The following KLHL15 variants were observed in gnomAD, a reference collection of about 807,000 sequenced individuals.
KLHL15 encodes kelch like family member 15, also known as kelch-like protein 15.
A neutral mutation model predicts 29.3 loss-of-function variants in KLHL15; 1 was observed. The ratio of observed to expected loss-of-function variants is 0.03; its 90% CI spans 0.01 to 0.16. The LOEUF (loss-of-function observed/expected upper bound fraction) is 0.16, where lower values mean the gene tolerates loss of function less well. KLHL15 is among the 10% of genes least tolerant of loss of function. KLHL15 has a pLI of 1.00. For synonymous variants in KLHL15, 212 were observed against 184.5 expected (o/e 1.15, Z -1.21); for missense variants, 215 against 478.5 (o/e 0.45, Z 5.14).
chrX:24,016,560 G>C (rs1278399378), intron 2 of KLHL15, among the ~76,000 whole-genome samples: 1 of 108,467 alleles, frequency 9.2e-6, no homozygotes, highest in Admixed American at 1.0e-4. Context: ...CCAGCTAGTC[G>C]GGAGGTTGAG....
intron 3 of KLHL15, among the ~76,000 whole-genome samples, chrX:23,991,740 G>A (rs773521490): frequency 9.0e-6 from 1 of 111,542 alleles, no homozygotes; most frequent in Non-Finnish European, 1.9e-5. Context: ...CTGGGAGGCT[G>A]AGGTAGTAGA....
intron 2 of KLHL15, among the ~76,000 whole-genome samples, chrX:24,007,247 CT>C (rs1226952621): frequency 9.2e-6 from 1 of 108,752 alleles, no homozygotes; most frequent in Admixed American, 1.0e-4. Context: ...AATCCCAGCA[CT>C]TTGGGAGGCC....
intron 2 of KLHL15, 69 bp from the exon 3 acceptor site, chrX:24,006,769 T>C: frequency 1.2e-6 from 1 of 843,067 alleles, no homozygotes; most frequent in Non-Finnish European, 1.6e-6. Context: ...TAACTTAGAG[T>C]TTTAACAATT....
At chrX:23,997,495 A>AG (rs1929213425) in intron 3 of KLHL15, among the ~76,000 whole-genome samples, 1 of 109,487 alleles carries the variant, frequency 9.1e-6, no homozygotes, top group Non-Finnish European at 1.9e-5. Context: ...CTTAGCACTT[A>AG]GGGAGGCAGG....
chrX:23,989,159 C>T (rs1392871235), intron 3 of KLHL15, 129 bp from the exon 4 acceptor site: 11 of 512,404 alleles, frequency 2.1e-5, no homozygotes, highest in Non-Finnish European at 3.0e-5. Flanking sequence ...AGATCACCTA[C>T]TTTCTTTTGT....
At chrX:23,989,071 A>G in intron 3 of KLHL15, 41 bp from the exon 4 acceptor site, 1 of 1,084,814 alleles carries the variant, frequency 9.2e-7, no homozygotes, top group African/African-American at 1.8e-5. Context: ...AGGAAAAAGC[A>G]TCAGCTGCAA....
chrX:24,024,942 C>T lies in KLHL15; in HGVS notation c.-93G>A. 1 of 297,980 alleles carries T rather than the reference C, an allele frequency of 3.4e-6. No homozygotes were observed. The highest frequency in any genetic ancestry group is 5.9e-6 in the Non-Finnish European group (1 of 170,227). 24.6% of individuals were successfully genotyped at this position (297,980 alleles called of 1,213,427 possible). A position where few individuals can be genotyped will look rare whatever the true frequency, so the allele number is the denominator to read the frequency against. On this transcript the variant is annotated 5_prime_UTR_variant, in exon 2 of 4. Transcript: ENST00000328046. ...GCGGGCCGATGGGTGGGCGGTCGGG[C>T]GCCGGGACGGCACTCGGCAGGCTCC...
At chrX:24,021,860 T>TC (rs755164045) in intron 2 of KLHL15, among the ~76,000 whole-genome samples, 1 of 110,074 alleles carries the variant, frequency 9.1e-6, no homozygotes, top group African/African-American at 3.3e-5. Context: ...GCTATAGCAC[T>TC]CCAATTCAGA....
intron 2 of KLHL15, among the ~76,000 whole-genome samples, chrX:24,008,780 C>T (rs181864221): frequency 1.0e-4 from 11 of 107,708 alleles, no homozygotes; most frequent in Admixed American, 4.1e-4. Context: ...GTTCCCTCCT[C>T]GACCTGATTT....
chrX:23,987,963 A>G lies in KLHL15; in HGVS notation c.1773T>C (p.His591=). 5 of 1,210,480 alleles carry G rather than the reference A, an allele frequency of 4.1e-6. No homozygotes were observed. The East Asian group carries it at 1.2e-4, about 29-fold the overall frequency. ...KLDGLQVCNL[H]FPDYVLDEVR... Reference sequence around the variant, plus strand: ...CCTCATCCAGTACATAGTCCGGAAAATGCAGGTTGCATACTTGTAAACCAT... The same window carrying G: ...CCTCATCCAGTACATAGTCCGGAAAGTGCAGGTTGCATACTTGTAAACCAT... Residue 591 remains histidine, a synonymous_variant, in exon 4 of 4, where the codon CAT becomes CAC. Transcript: ENST00000328046.
At chrX:24,017,653 T>C (rs1451978306) in intron 2 of KLHL15, among the ~76,000 whole-genome samples, 2 of 108,505 alleles carry the variant, frequency 1.8e-5, no homozygotes, top group Non-Finnish European at 3.8e-5. Flanking sequence ...TGGTGGTGTG[T>C]GACTGTAGTC....
At chrX:24,005,130 C>T (rs1183326846) in intron 3 of KLHL15, among the ~76,000 whole-genome samples, 1 of 111,697 alleles carries the variant, frequency 9.0e-6, no homozygotes. Context: ...AACAGAGCCC[C>T]AGAGGTAACC....
At chrX:24,008,174 A>AT (rs897209470) in intron 2 of KLHL15, among the ~76,000 whole-genome samples, 2 of 112,469 alleles carry the variant, frequency 1.8e-5, no homozygotes, top group African/African-American at 6.4e-5. Flanking sequence ...AAATCTTTCC[A>AT]TATCAGAGAA....
chrX:24,003,414 G>C (rs1395240034), intron 3 of KLHL15, among the ~76,000 whole-genome samples: 1 of 108,270 alleles, frequency 9.2e-6, no homozygotes, highest in Non-Finnish European at 1.9e-5. Context: ...TTAGCCGGGC[G>C]TGGTGGCGGG....
chrX:23,999,520 G>C (rs1271622583), intron 3 of KLHL15, among the ~76,000 whole-genome samples: 1 of 107,410 alleles, frequency 9.3e-6, no homozygotes, highest in Non-Finnish European at 1.9e-5. Flanking sequence ...GCATGAACCT[G>C]GGAGGCGGAG....
chrX:23,991,181 C>T (rs1374419274), intron 3 of KLHL15, among the ~76,000 whole-genome samples: 1 of 108,825 alleles, frequency 9.2e-6, no homozygotes, highest in Non-Finnish European at 1.9e-5. Flanking sequence ...GGTGAAACCC[C>T]GTCTCTACTA....
rs749367841 is a variant in KLHL15 at position 24,010,473 on chromosome X, A to G, written c.-7-3773T>C. ...CAGTTGTGAGGCATTCCCTGCTGGT[A>G]TAACACTGAAGCACTATCAAAGATG... On this transcript the variant is annotated intron_variant, in intron 2 of 3. Coordinates refer to ENST00000328046, the MANE Select transcript of KLHL15 (RefSeq NM_030624.3). Among the ~76,000 whole-genome samples the G allele has an allele frequency of 1.1e-4, 12 of 112,493 alleles. No individual in the cohort carries two copies. The East Asian group carries it at 2.8e-3, about 26-fold the overall frequency.
At chrX:24,025,691 C>T (rs1289629211) in intron 1 of KLHL15, among the ~76,000 whole-genome samples, 4 of 104,905 alleles carry the variant, frequency 3.8e-5, no homozygotes, top group African/African-American at 1.4e-4. Flanking sequence ...ACTTCCGGCG[C>T]CACGGGAGCG....
chrX:24,011,552 G>A (rs532820252), intron 2 of KLHL15, among the ~76,000 whole-genome samples: 4 of 112,193 alleles, frequency 3.6e-5, no homozygotes, highest in South Asian at 3.7e-4. Context: ...GCTGAGGCAC[G>A]AGAATTGCTT....
Sources: gnomAD v4.1 joint callset for allele counts (sites outside exome capture counted in the v4.1 genomes callset) on GRCh38, gnomAD v4.1.1 for gene constraint, MANE v1.5 for transcripts, NCBI Gene and HGNC (gene_info 2026-07-23, HGNC 2026-07-21) for gene names.